The following GRM8 variants were observed in gnomAD, a reference collection of about 807,000 sequenced individuals.
GRM8 encodes glutamate metabotropic receptor 8.
In GRM8, 47 loss-of-function variants were observed where a neutral mutation model predicts 87.2. The ratio of observed to expected loss-of-function variants is 0.54; its 90% CI spans 0.43 to 0.69. The LOEUF is 0.69. Ranked by LOEUF, GRM8 falls within the 30% of genes least tolerant of loss-of-function variation. The probability of loss-of-function intolerance (pLI) is 0.00; values close to 1 mark genes in which losing one functional copy is unlikely to be tolerated. For synonymous variants in GRM8, 396 were observed against 404.5 expected (o/e 0.98, Z 0.25); for missense variants, 1,019 against 1,139.2 (o/e 0.89, Z 1.52).
rs189583130 is a variant in GRM8 at position 126,942,971 on chromosome 7, G to A, written c.728-38288C>T. Among the ~76,000 whole-genome samples, 19 of 152,152 alleles carry A rather than the reference G, an allele frequency of 1.2e-4. No individual in the cohort carries two copies. In the East Asian group the frequency reaches 3.7e-3, roughly 29 times the overall value. On this transcript the variant is annotated intron_variant, in intron 3 of 10. Transcript: ENST00000339582. The stretch of plus-strand genomic sequence containing the variant: ...GAGTTGAAATTCAGTCAAGTAGAGC[G>A]GCACATATGAATCACTTGGGGATCT...
intron 10 of GRM8, among the ~76,000 whole-genome samples, chr7:126,440,181 A>G (rs1398029611): frequency 6.6e-6 from 1 of 151,952 alleles, no homozygotes; most frequent in Non-Finnish European, 1.5e-5. Flanking sequence ...TGGGAGGCCT[A>G]GGCAGGTGGA....
chr7:126,465,481 ATTT>A (rs1301343397), intron 9 of GRM8, among the ~76,000 whole-genome samples: 1 of 151,610 alleles, frequency 6.6e-6, no homozygotes, highest in African/African-American at 2.4e-5. Context: ...ATATACTTCC[ATTT>A]ACTTAAGTCC....
At chr7:126,903,775 G>GTGTATATATA (rs759583815) in intron 5 of GRM8, among the ~76,000 whole-genome samples, 197 bp downstream of exon 5, 1 of 87,670 alleles carries the variant, frequency 1.1e-5, no homozygotes, top group East Asian at 3.8e-4. Context: ...ATGTGTGTGT[G>GTGTATATATA]TATATATATA....
intron 7 of GRM8, among the ~76,000 whole-genome samples, chr7:126,636,588 A>T (rs1469421844): frequency 6.6e-6 from 1 of 152,120 alleles, no homozygotes; most frequent in East Asian, 1.9e-4. Context: ...GAATCCATGG[A>T]TACCAACGAT....
intron 7 of GRM8, among the ~76,000 whole-genome samples, chr7:126,631,208 T>G (rs989934077): frequency 7.2e-5 from 11 of 152,178 alleles, no homozygotes; most frequent in African/African-American, 2.2e-4. Flanking sequence ...AAAATCAATG[T>G]GCAAAAATCA....
intron 3 of GRM8, among the ~76,000 whole-genome samples, chr7:126,960,319 T>C (rs570810745): frequency 4.7e-4 from 71 of 152,328 alleles, no homozygotes; most frequent in African/African-American, 1.6e-3. Flanking sequence ...TATTCAGGCT[T>C]CTTCGAAAAT....
At chr7:126,979,220 T>C (rs1001317637) in intron 3 of GRM8, among the ~76,000 whole-genome samples, 3 of 152,130 alleles carry the variant, frequency 2.0e-5, no homozygotes, top group African/African-American at 7.2e-5. Flanking sequence ...TCCTGAACAA[T>C]TCCCTCCTTC....
At chr7:126,763,468 T>TACAC (rs1554483375) in intron 7 of GRM8, among the ~76,000 whole-genome samples, 102 of 52,040 alleles carry the variant, frequency 2.0e-3, no homozygotes, top group African/African-American at 4.7e-3. Context: ...TATATATATA[T>TACAC]ATATACACAC....
chr7:126,542,571 T>A (rs1192326157), intron 8 of GRM8, among the ~76,000 whole-genome samples: 1 of 152,208 alleles, frequency 6.6e-6, no homozygotes, highest in Non-Finnish European at 1.5e-5. Flanking sequence ...TCAGGTTGGA[T>A]GAATCCTATA....
intron 7 of GRM8, among the ~76,000 whole-genome samples, chr7:126,759,994 T>C (rs1308058422): frequency 1.3e-5 from 2 of 152,178 alleles, no homozygotes; most frequent in Admixed American, 1.3e-4. Context: ...TTCTGATCGC[T>C]AGAAAAAATA....
In GRM8 at chr7:127,071,638, A is replaced by T. The variant is rs111860477; in HGVS notation, c.727+34858T>A. ...TCCTGGCAACTCAGACGTTTTTCCT[A>T]TTTCTCTTCTTATTTGTAGAGGTCA... On this transcript the variant is annotated intron_variant, in intron 3 of 10. Transcript: ENST00000339582. 8.2e-3 allele frequency among the ~76,000 whole-genome samples: 1,242 copies of T among 152,268 alleles called. 25 individuals are homozygous for T. The highest frequency in any genetic ancestry group is 0.028 in the African/African-American group (1,176 of 41,556).
At chr7:127,218,908 T>C (rs956968828) in intron 2 of GRM8, among the ~76,000 whole-genome samples, 1 of 152,236 alleles carries the variant, frequency 6.6e-6, no homozygotes, top group African/African-American at 2.4e-5. Context: ...TGTCTGTCAT[T>C]ATGAACCTTT....
chr7:126,552,517 CA>C (rs1256323388), intron 8 of GRM8, among the ~76,000 whole-genome samples: 3 of 152,136 alleles, frequency 2.0e-5, no homozygotes, highest in African/African-American at 4.8e-5. Context: ...GAGAATTATA[CA>C]ATACAAGCTA....
At chr7:126,819,013 A>T (rs1404569713) in intron 6 of GRM8, among the ~76,000 whole-genome samples, 2 of 152,088 alleles carry the variant, frequency 1.3e-5, no homozygotes, top group Admixed American at 1.3e-4. Context: ...CTAATACCCC[A>T]GTTCAGGCCC....
chr7:126,543,811 A>G (rs1816815105), intron 8 of GRM8, among the ~76,000 whole-genome samples: 2 of 152,204 alleles, frequency 1.3e-5, no homozygotes, highest in South Asian at 2.1e-4. Context: ...TAAGAAGCAC[A>G]CTCAGGAAGA....
Position 126,624,231 on chromosome 7 carries a change from A to G in GRM8, c.1358-14733T>C, listed in dbSNP as rs539376970. ...TTAGAATAAAACTCAAAGGCTTATC[A>G]TGGCCTTTAAGTCTCTTATTTATCT... On this transcript the variant is annotated intron_variant, in intron 7 of 10. Transcript: ENST00000339582. Among the ~76,000 whole-genome samples, 3 of 152,332 alleles carry G rather than the reference A, an allele frequency of 2.0e-5. No individual in the cohort carries two copies. In the East Asian group the frequency reaches 5.8e-4, roughly 29 times the overall value.
chr7:127,194,000 T>A (rs1795157256), intron 2 of GRM8, among the ~76,000 whole-genome samples: 1 of 152,214 alleles, frequency 6.6e-6, no homozygotes. Flanking sequence ...GAGCCACCCC[T>A]ACTGGTGATA....
intron 3 of GRM8, among the ~76,000 whole-genome samples, chr7:126,976,321 C>T (rs1039806139): frequency 6.6e-5 from 10 of 152,114 alleles, no homozygotes; most frequent in African/African-American, 1.9e-4. Context: ...ATTGGCCGGG[C>T]GCAGTGGCTC....
intron 6 of GRM8, among the ~76,000 whole-genome samples, chr7:126,783,046 C>A (rs971511333): frequency 6.6e-6 from 1 of 152,156 alleles, no homozygotes; most frequent in Non-Finnish European, 1.5e-5. Context: ...TTCAGGGATG[C>A]AAACTGTATA....
Sources: gnomAD v4.1 joint callset for allele counts (sites outside exome capture counted in the v4.1 genomes callset) on GRCh38, gnomAD v4.1.1 for gene constraint, MANE v1.5 for transcripts, NCBI Gene and HGNC (gene_info 2026-07-23, HGNC 2026-07-21) for gene names.